Variants in MTFR1 observed in about 807,000 individuals in gnomAD.
MTFR1 encodes the protein chondrocyte protein with a poly-proline region.
A neutral mutation model predicts 38.8 loss-of-function variants in MTFR1; 28 were observed. That is an observed-to-expected ratio of 0.72 (90% confidence interval 0.53 to 0.99). The LOEUF (loss-of-function observed/expected upper bound fraction) is 0.99, where lower values mean the gene tolerates loss of function less well. Ranked by LOEUF, MTFR1 falls within the 50% of genes least tolerant of loss-of-function variation. MTFR1 has a pLI of 0.00. For missense variants in MTFR1, 358 were observed against 395.5 expected (o/e 0.91, Z 0.81); for synonymous variants, 145 against 137.0 (o/e 1.06, Z -0.41).
At chr8:65,667,732 C>G (rs1306474807) in intron 1 of MTFR1, among the ~76,000 whole-genome samples, 1 of 152,126 alleles carries the variant, frequency 6.6e-6, no homozygotes, top group African/African-American at 2.4e-5. Context: ...TGGCCAAATT[C>G]AGCAAACTTT....
chr8:65,707,201 A>G lies in MTFR1; in HGVS notation c.709A>G (p.Asn237Asp), dbSNP rs1805808040. 2 of 1,614,232 alleles carry G rather than the reference A, an allele frequency of 1.2e-6. No individual in the cohort carries two copies. The highest frequency in any genetic ancestry group is 2.2e-5 in the South Asian group (2 of 91,092). Residue 237 changes from asparagine (N) to aspartate (D), a missense_variant, in exon 6 of 8, where the codon AAT becomes GAT. Coordinates refer to ENST00000262146, the MANE Select transcript of MTFR1 (RefSeq NM_014637.4). The part of the protein sequence containing the change: ...KNNPKKPEMP[N>D]MLEILKEMNS... ...CAATCCAAAGAAACCTGAAATGCCA[A>G]ATATGCTAGAGATCCTTAAAGAGAT...
chr8:65,733,295 T>C (rs925664146), intron 3 of MTFR1, among the ~76,000 whole-genome samples: 1 of 152,138 alleles, frequency 6.6e-6, no homozygotes, highest in African/African-American at 2.4e-5. Context: ...CAGAGGGAGA[T>C]GGGAGTGCAG....
chr8:65,655,850 G>A (rs1809239025), intron 1 of MTFR1, among the ~76,000 whole-genome samples: 1 of 150,144 alleles, frequency 6.7e-6, no homozygotes, highest in Non-Finnish European at 1.5e-5. Flanking sequence ...TTGGGAAGCT[G>A]AGGCATGAGA....
chr8:65,678,073 C>T (rs917420711), intron 2 of MTFR1, among the ~76,000 whole-genome samples: 6 of 151,532 alleles, frequency 4.0e-5, no homozygotes, highest in African/African-American at 1.5e-4. Flanking sequence ...TCCCTGCCTT[C>T]TCTCTTTCAT....
chr8:65,667,019 A>G (rs1254079729), intron 1 of MTFR1, among the ~76,000 whole-genome samples: 1 of 152,204 alleles, frequency 6.6e-6, no homozygotes, highest in African/African-American at 2.4e-5. Flanking sequence ...TCACACCTTA[A>G]TCCCAGCACT....
intron 3 of MTFR1, among the ~76,000 whole-genome samples, chr8:65,685,284 G>A (rs1330277881): frequency 6.6e-6 from 1 of 152,176 alleles, no homozygotes; most frequent in African/African-American, 2.4e-5. Context: ...TCTAGTATGG[G>A]GCACAGGGCA....
At chr8:65,656,505 T>TC (rs1398700078) in intron 1 of MTFR1, among the ~76,000 whole-genome samples, 1 of 149,910 alleles carries the variant, frequency 6.7e-6, no homozygotes, top group African/African-American at 2.5e-5. Flanking sequence ...GGCTAATTTT[T>TC]TTTTTTTTTT....
intron 3 of MTFR1, among the ~76,000 whole-genome samples, chr8:65,733,377 T>A (rs559708776): frequency 6.6e-6 from 1 of 152,134 alleles, no homozygotes; most frequent in Non-Finnish European, 1.5e-5. Flanking sequence ...ACTTACCAGA[T>A]TGTATGGTGA....
At chr8:65,756,751 C>T (rs141006099) in intron 3 of MTFR1, among the ~76,000 whole-genome samples, 19 of 152,056 alleles carry the variant, frequency 1.2e-4, no homozygotes, top group Admixed American at 2.6e-4. Context: ...GGGCTTCCTC[C>T]GGGGTGGTTT....
intron 3 of MTFR1, chr8:65,725,007 G>A: frequency 1.3e-6 from 1 of 773,904 alleles, no homozygotes; most frequent in South Asian, 2.9e-5. Context: ...ATAATCGGAA[G>A]GCTTTATAGA....
At chr8:65,684,977 C>T (rs1805028072) in intron 3 of MTFR1, among the ~76,000 whole-genome samples, 1 of 152,120 alleles carries the variant, frequency 6.6e-6, no homozygotes. Context: ...GCACTCCAGC[C>T]TGGGCAATAA....
intron 1 of MTFR1, among the ~76,000 whole-genome samples, chr8:65,661,707 T>C (rs941549350): frequency 2.0e-5 from 3 of 151,988 alleles, no homozygotes; most frequent in Admixed American, 2.0e-4. Context: ...CTCACACTTG[T>C]AATCCTAGCA....
At chr8:65,708,643 C>T (rs1805854997) in intron 7 of MTFR1, among the ~76,000 whole-genome samples, 1 of 152,210 alleles carries the variant, frequency 6.6e-6, no homozygotes, top group African/African-American at 2.4e-5. Context: ...GAAATTCCAG[C>T]ACCTTTGAAA....
At chr8:65,723,927 C>A (rs1806497550) in intron 3 of MTFR1, among the ~76,000 whole-genome samples, 1 of 152,104 alleles carries the variant, frequency 6.6e-6, no homozygotes. Context: ...AAATTACACA[C>A]ACAAAAGTTT....
chr8:65,778,569 G>A, the MTFR1 span, among the ~76,000 whole-genome samples: 1 of 152,184 alleles, frequency 6.6e-6, no homozygotes, highest in Non-Finnish European at 1.5e-5. Flanking sequence ...GGAATCATGA[G>A]CATTAAAAAT....
intron 3 of MTFR1, among the ~76,000 whole-genome samples, chr8:65,740,181 AG>A (rs1007237346): frequency 3.6e-5 from 4 of 112,080 alleles, no homozygotes; most frequent in African/African-American, 1.3e-4. Flanking sequence ...GGGGGTGGGG[AG>A]GGGGAATCAC....
At chr8:65,707,347 A>C in intron 6 of MTFR1, 91 bp downstream of exon 6, 1 of 1,332,948 alleles carries the variant, frequency 7.5e-7, no homozygotes, top group Non-Finnish European at 1.0e-6. Flanking sequence ...TTATAACATG[A>C]CTGCCATGAA....
At chr8:65,659,277 C>T (rs747759585) in intron 1 of MTFR1, among the ~76,000 whole-genome samples, 1 of 151,906 alleles carries the variant, frequency 6.6e-6, no homozygotes, top group Non-Finnish European at 1.5e-5. Context: ...TATAAAAATG[C>T]TCTAGGAATA....
chr8:65,728,563 G>C (rs1327634618), intron 3 of MTFR1: 2 of 152,044 alleles, frequency 1.3e-5, no homozygotes, highest in Non-Finnish European at 2.9e-5. Context: ...TCCTCTTTAG[G>C]ATATACAAAA....
Sources: allele counts gnomAD v4.1 joint callset (sites outside exome capture counted in the v4.1 genomes callset), GRCh38; gene constraint gnomAD v4.1.1; transcripts MANE v1.5; gene names NCBI Gene and HGNC (gene_info 2026-07-23, HGNC 2026-07-21).